The following GABRG1 variants were observed in gnomAD, a reference collection of about 807,000 sequenced individuals.
GABRG1 encodes the protein gamma-aminobutyric acid type A receptor subunit gamma1.
GABRG1 carries 49 observed loss-of-function variants against 49.8 expected under a neutral mutation model. The ratio of observed to expected loss-of-function variants is 0.98; its 90% CI spans 0.78 to 1.25. The LOEUF is 1.25. GABRG1 is among the 50% of genes most tolerant of loss of function. The pLI, the probability that GABRG1 is intolerant of heterozygous loss-of-function variation, is 0.00. For synonymous variants in GABRG1, 232 were observed against 185.1 expected (o/e 1.25, Z -2.06); for missense variants, 552 against 552.3 (o/e 1.00, Z 0.01).
chr4:46,050,840 C>A (rs768465694), intron 8 of GABRG1, among the ~76,000 whole-genome samples: 5 of 151,760 alleles, frequency 3.3e-5, no homozygotes, highest in African/African-American at 1.2e-4. Context: ...TTAGATATTA[C>A]TTTCAGGTTG....
At chr4:46,053,237 A>G (rs1485087410) in intron 7 of GABRG1, among the ~76,000 whole-genome samples, 1 of 151,696 alleles carries the variant, frequency 6.6e-6, no homozygotes, top group Non-Finnish European at 1.5e-5. Flanking sequence ...TATACTCTGA[A>G]AATTTTAGTG....
At chr4:46,108,410 A>G (rs539599717) in intron 1 of GABRG1, among the ~76,000 whole-genome samples, 22 of 150,984 alleles carry the variant, frequency 1.5e-4, no homozygotes, top group Non-Finnish European at 2.5e-4. Flanking sequence ...GCTTTGCTTA[A>G]TAGAGTCCAC....
intron 5 of GABRG1, 42 bp downstream of exon 5, chr4:46,064,399 A>T: frequency 9.6e-7 from 1 of 1,041,924 alleles, no homozygotes; most frequent in Non-Finnish European, 1.4e-6. Context: ...ACAGCTTCTA[A>T]GGTTAAAATT....
intron 5 of GABRG1, among the ~76,000 whole-genome samples, 154 bp downstream of exon 5, chr4:46,064,287 G>A (rs1411364199): frequency 1.3e-5 from 2 of 151,920 alleles, no homozygotes; most frequent in South Asian, 2.1e-4. Flanking sequence ...TTAAAAGCAA[G>A]AAGCAAATAT....
At chr4:46,071,274 A>G (rs1162850125) in intron 3 of GABRG1, among the ~76,000 whole-genome samples, 1 of 151,874 alleles carries the variant, frequency 6.6e-6, no homozygotes, top group East Asian at 1.9e-4. Flanking sequence ...TCATTATTTC[A>G]GATTATCCTC....
chr4:46,089,265 A>T (rs1026815936), intron 2 of GABRG1, among the ~76,000 whole-genome samples: 2 of 152,014 alleles, frequency 1.3e-5, no homozygotes, highest in Non-Finnish European at 2.9e-5. Context: ...ACAACAAAAA[A>T]TTATTTATAC....
intron 3 of GABRG1, among the ~76,000 whole-genome samples, chr4:46,081,604 T>A (rs1269797080): frequency 6.6e-6 from 1 of 151,836 alleles, no homozygotes; most frequent in East Asian, 1.9e-4. Flanking sequence ...AATAAAGGGA[T>A]GATTTGACTA....
At chr4:46,087,852 G>A (rs1719838276) in intron 2 of GABRG1, among the ~76,000 whole-genome samples, 1 of 151,912 alleles carries the variant, frequency 6.6e-6, no homozygotes, top group South Asian at 2.1e-4. Context: ...AACCTTTCCA[G>A]GTTACATTTA....
At chr4:46,117,153 T>G (rs1301899361) in intron 1 of GABRG1, among the ~76,000 whole-genome samples, 1 of 150,620 alleles carries the variant, frequency 6.6e-6, no homozygotes, top group African/African-American at 2.4e-5. Flanking sequence ...ACATGACTAT[T>G]AAAATATATA....
intron 1 of GABRG1, among the ~76,000 whole-genome samples, chr4:46,099,900 T>C (rs1420541652): frequency 6.6e-6 from 1 of 151,722 alleles, no homozygotes; most frequent in African/African-American, 2.4e-5. Flanking sequence ...CTGGTAGAAC[T>C]GGGGCTCTGA....
intron 3 of GABRG1, among the ~76,000 whole-genome samples, chr4:46,080,850 A>G (rs1378140876): frequency 6.6e-6 from 1 of 151,902 alleles, no homozygotes; most frequent in Non-Finnish European, 1.5e-5. Context: ...GGTTACTTAG[A>G]AACTAAACAT....
At chr4:46,095,121 G>T (rs1039436328) in intron 2 of GABRG1, among the ~76,000 whole-genome samples, 5 of 151,490 alleles carry the variant, frequency 3.3e-5, no homozygotes, top group African/African-American at 1.2e-4. Context: ...AAAAATAGAA[G>T]AAAAAGACAA....
chr4:46,080,201 A>G (rs1202254116), intron 3 of GABRG1, among the ~76,000 whole-genome samples: 2 of 151,898 alleles, frequency 1.3e-5, no homozygotes, highest in African/African-American at 4.8e-5. Flanking sequence ...ACTTAAAAAA[A>G]ACTAATATAT....
chr4:46,097,054 G>C (rs986195148), intron 2 of GABRG1, 147 bp downstream of exon 2: 1 of 647,508 alleles, frequency 1.5e-6, no homozygotes, highest in Non-Finnish European at 2.3e-6. Context: ...CAAAACATTA[G>C]TGACCATTCT....
At chr4:46,112,640 A>G (rs962313467) in intron 1 of GABRG1, among the ~76,000 whole-genome samples, 3 of 151,088 alleles carry the variant, frequency 2.0e-5, no homozygotes, top group African/African-American at 4.8e-5. Flanking sequence ...TAAACACTAC[A>G]TAGCCATAAA....
intron 1 of GABRG1, among the ~76,000 whole-genome samples, chr4:46,106,141 T>C (rs185375192): frequency 1.1e-3 from 163 of 151,592 alleles, no homozygotes; most frequent in Admixed American, 3.2e-3. Flanking sequence ...TTGTTTAGAA[T>C]AGGGTAGACA....
chr4:46,096,062 AT>A (rs759969343), intron 2 of GABRG1, among the ~76,000 whole-genome samples: 11 of 151,786 alleles, frequency 7.2e-5, no homozygotes, highest in Non-Finnish European at 1.5e-4. Context: ...AATGGGTGGT[AT>A]TTGGTTTTGT....
chr4:46,092,194 GA>G (rs1211163482), intron 2 of GABRG1, among the ~76,000 whole-genome samples: 3 of 152,008 alleles, frequency 2.0e-5, no homozygotes, highest in Non-Finnish European at 4.4e-5. Flanking sequence ...GGGTATTTAA[GA>G]AAGGAATTAA....
At chr4:46,060,841 T>C (rs1007992780) in intron 5 of GABRG1, among the ~76,000 whole-genome samples, 2 of 152,156 alleles carry the variant, frequency 1.3e-5, no homozygotes, top group African/African-American at 4.8e-5. Flanking sequence ...TAGTATACAG[T>C]AGTGTGGGCA....
Sources: gnomAD v4.1 joint callset for allele counts (sites outside exome capture counted in the v4.1 genomes callset) on GRCh38, gnomAD v4.1.1 for gene constraint, MANE v1.5 for transcripts, NCBI Gene and HGNC (gene_info 2026-07-23, HGNC 2026-07-21) for gene names.